RBM26: variants seen among roughly 807,000 people sequenced by gnomAD.
RBM26 encodes the protein RNA-binding protein 26.
RBM26 carries 30 observed loss-of-function variants against 123.6 expected under a neutral mutation model. The observed-to-expected ratio is 0.24, with a 90% CI of 0.18 to 0.33. RBM26 has a LOEUF of 0.33. Among genes scored for constraint, RBM26 ranks in the 10% least tolerant of loss-of-function variants. The pLI is 1.00. For synonymous variants in RBM26, 400 were observed against 404.4 expected (o/e 0.99, Z 0.13); for missense variants, 947 against 1,203.6 (o/e 0.79, Z 3.15).
At chr13:79,382,831 T>C (rs752179543) in intron 1 of RBM26, among the ~76,000 whole-genome samples, 4 of 152,156 alleles carry the variant, frequency 2.6e-5, no homozygotes, top group Admixed American at 1.3e-4. Context: ...GGTTCCACCT[T>C]TATAAATGCA....
Position 79,334,421 on chromosome 13 carries a change from C to T in RBM26, c.2743G>A (p.Glu915Lys). The change falls in exon 20 of 22, where the codon GAA becomes AAA. Residue 915 changes from glutamate (E) to lysine (K), a missense_variant. Physicochemically the swap from Glu to Lys is moderately conservative, Grantham distance 56. This residue lies in a region of RBM26 where 164 missense variants were observed against 215.3 expected (regional missense o/e 0.76). Transcript: ENST00000438737. ...DLLPHFAQYG[E>K]IEDCQIDDSS... Reference sequence around the variant, plus strand: ...TCATCAATCTGACAATCTTCAATTTCACCATATTGCTTTAAATTAAAAAAA... The same window carrying T: ...TCATCAATCTGACAATCTTCAATTTTACCATATTGCTTTAAATTAAAAAAA... The T allele has an allele frequency of 6.5e-7, 1 of 1,540,746 alleles. No homozygotes were observed. The highest frequency in any genetic ancestry group is 8.8e-7 in the Non-Finnish European group (1 of 1,134,414).
At chr13:79,312,556 G>A (rs1187898922) in exon 5 of RBM26, 1 of 151,954 alleles carries the variant, frequency 6.6e-6, no homozygotes, top group Non-Finnish European at 1.5e-5. Flanking sequence ...TTAAAGCAAA[G>A]CAGGATTACA....
At chr13:79,393,819 A>G (rs1005602516) in intron 1 of RBM26, among the ~76,000 whole-genome samples, 2 of 152,168 alleles carry the variant, frequency 1.3e-5, no homozygotes, top group Non-Finnish European at 2.9e-5. Context: ...GATAGGGTTA[A>G]AGCCTAAAAC....
intron 19 of RBM26, 49 bp from the exon 20 acceptor site, chr13:79,334,479 T>A (rs771301813): frequency 1.9e-6 from 2 of 1,026,538 alleles, no homozygotes; most frequent in South Asian, 3.1e-5. Context: ...TTTTGAAATA[T>A]CCAAAAATCC....
At chr13:79,396,415 A>T in intron 1 of RBM26, among the ~76,000 whole-genome samples, 1 of 152,238 alleles carries the variant, frequency 6.6e-6, no homozygotes, top group Middle Eastern at 3.2e-3. Flanking sequence ...AGGTATAATT[A>T]AAAAGGGGAA....
At chr13:79,388,717 G>A (rs7331872) in intron 1 of RBM26, among the ~76,000 whole-genome samples, 69,656 of 152,086 alleles carry the variant, frequency 0.46, 16,922 homozygotes, top group East Asian at 0.72. Context: ...GTAACTGCAA[G>A]TTTATAAAGC....
intron 17 of RBM26, 110 bp from the exon 18 acceptor site, chr13:79,341,337 C>T (rs2071338245): frequency 1.6e-6 from 1 of 620,508 alleles, no homozygotes; most frequent in Non-Finnish European, 2.7e-6. Flanking sequence ...ATATTTCTAT[C>T]TCCAGTATAA....
intron 16 of RBM26, among the ~76,000 whole-genome samples, chr13:79,343,761 G>A (rs1255874410): frequency 1.3e-5 from 2 of 151,788 alleles, no homozygotes; most frequent in African/African-American, 2.4e-5. Context: ...CAATTATTGT[G>A]ATGTTTTACT....
At chr13:79,351,450 TA>T (rs946131518) in intron 14 of RBM26, among the ~76,000 whole-genome samples, 1 of 152,068 alleles carries the variant, frequency 6.6e-6, no homozygotes, top group African/African-American at 2.4e-5. Context: ...CTAATCCAAG[TA>T]AGTATTTGAT....
intron 11 of RBM26, 104 bp from the exon 12 acceptor site, chr13:79,355,488 C>CCA: frequency 1.2e-6 from 1 of 817,016 alleles, no homozygotes; most frequent in East Asian, 2.6e-5. Context: ...AAGTAAGATT[C>CCA]TGTATTTATA....
In RBM26 at chr13:79,399,727, C is replaced by A. The variant is rs137918836; in HGVS notation, c.71+5977G>T. On this transcript the variant is annotated intron_variant, in intron 1 of 21. Coordinates refer to ENST00000438737, the MANE Select transcript of RBM26 (RefSeq NM_001366735.2). ...GATTTGTTAGGAAGCAAACTGCAAT[C>A]ATTTAGATACGGAGTGTGAGCCCCC... 3.4e-3 allele frequency among the ~76,000 whole-genome samples: 524 copies of A among 152,172 alleles called. 1 individual carries two copies. Among genetic ancestry groups the A allele is most frequent in the Admixed American group, 6.1e-3 (93 of 15,280 alleles).
At chr13:79,402,981 AC>A (rs1215285645) in intron 1 of RBM26, among the ~76,000 whole-genome samples, 1 of 152,172 alleles carries the variant, frequency 6.6e-6, no homozygotes, top group Non-Finnish European at 1.5e-5. Flanking sequence ...GTATTTAACC[AC>A]CACAGGTAAC....
At position 79,319,915 on chromosome 13, in the gene RBM26, C is replaced by CTT. The variant is rs537624854; in HGVS notation, c.*704_*705dup. On this transcript the variant is annotated 3_prime_UTR_variant, in exon 22 of 22. Transcript: ENST00000438737. Reference sequence around the variant, plus strand: ...ATTTTTTTCTTTTCTTTTTTCTTTTCTTTTTTTTTTTAAATCAAGGAACAT... The same window carrying CTT: ...ATTTTTTTCTTTTCTTTTTTCTTTTCTTTTTTTTTTTTTAAATCAAGGAACAT... 9.5e-5 allele frequency: 44 copies of CTT among 461,570 alleles called. No homozygotes were observed. The highest frequency in any genetic ancestry group is 1.1e-3 in the Middle Eastern group (1 of 928). 28.6% of individuals were successfully genotyped at this position (461,570 alleles called of 1,614,324 possible).
intron 20 of RBM26, among the ~76,000 whole-genome samples, chr13:79,331,276 T>A (rs2138732971): frequency 6.6e-6 from 1 of 152,106 alleles, no homozygotes; most frequent in East Asian, 2.0e-4. Flanking sequence ...AGTGGTGGGA[T>A]TACAGGTGTG....
At chr13:79,379,014 G>GAA in intron 1 of RBM26, 107 bp from the exon 2 acceptor site, 1 of 692,124 alleles carries the variant, frequency 1.4e-6, no homozygotes, top group Non-Finnish European at 2.5e-6. Context: ...GTTAATACAT[G>GAA]TAAAAAGCAC....
Position 79,322,467 on chromosome 13 carries a change from A to G in RBM26, c.2821-5T>C. On this transcript the variant is annotated splice_region_variant and splice_polypyrimidine_tract_variant and intron_variant, in intron 20 of 21. Coordinates refer to ENST00000438737, the MANE Select transcript of RBM26 (RefSeq NM_001366735.2). ...ACGAGCTCCATGAACTGCAGCCTAA[A>G]ATGATTAAAAATATTGGAATATAAG... 4 of 1,529,610 alleles carry G rather than the reference A, an allele frequency of 2.6e-6. No individual in the cohort carries two copies. The highest frequency in any genetic ancestry group is 3.5e-6 in the Non-Finnish European group (4 of 1,142,140). 94.8% of individuals were successfully genotyped at this position (1,529,610 alleles called of 1,614,324 possible). A position where few individuals can be genotyped will look rare whatever the true frequency, so the allele number is the denominator to read the frequency against.
chr13:79,378,818 A>G lies in RBM26; in HGVS notation c.161T>C (p.Ile54Thr). 3.7e-6 allele frequency: 6 copies of G among 1,606,582 alleles called. No homozygotes were observed. The highest frequency in any genetic ancestry group is 5.1e-6 in the Non-Finnish European group (6 of 1,173,422). The change falls in exon 2 of 22, where the codon ATT becomes ACT. Residue 54 changes from isoleucine (I) to threonine (T), a missense_variant. Physicochemically the swap from Ile to Thr is moderately conservative, Grantham distance 89. Around this residue, in one of 5 missense-constraint regions of RBM26, gnomAD observed 275 missense variants for 361.0 expected, o/e 0.76. Transcript: ENST00000438737. ...KSEKELKALC[I>T]DQLDVFLQKE... is the part of the protein sequence containing the mutation. ...CTGAAGAAATACATCCAGCTGATCA[A>G]TACATAATGCCTTTAACTCTTTTTC...
chr13:79,318,663 A>G (rs1264196773), downstream of RBM26, among the ~76,000 whole-genome samples: 1 of 151,546 alleles, frequency 6.6e-6, no homozygotes, highest in East Asian at 1.9e-4. Flanking sequence ...TTAGCTATTC[A>G]TGGACTGAAA....
chr13:79,327,860 A>G (rs2068680558), intron 20 of RBM26, among the ~76,000 whole-genome samples: 1 of 151,972 alleles, frequency 6.6e-6, no homozygotes, highest in Non-Finnish European at 1.5e-5. Flanking sequence ...GTATACTAGA[A>G]CCCCAAACCC....
Sources: gnomAD v4.1 joint callset for allele counts (sites outside exome capture counted in the v4.1 genomes callset) on GRCh38, gnomAD v4.1.1 for gene constraint, gnomAD v4.1.1 regional missense constraint, MANE v1.5 for transcripts, NCBI Gene and HGNC (gene_info 2026-07-23, HGNC 2026-07-21) for gene names.